Variants in SEZ6L2 observed in about 807,000 individuals in gnomAD.
The protein encoded by SEZ6L2 is seizure 6-like protein 2.
In SEZ6L2, 44 loss-of-function variants were observed where a neutral mutation model predicts 97.0. That is an observed-to-expected ratio of 0.45 (90% CI 0.36 to 0.58). The LOEUF is 0.58. Among genes scored for constraint, SEZ6L2 ranks in the 20% least tolerant of loss-of-function variants. The pLI, the probability that SEZ6L2 is intolerant of heterozygous loss-of-function variation, is 0.00. For synonymous variants in SEZ6L2, 543 were observed against 546.1 expected, an observed-to-expected ratio of 0.99 and a Z score of 0.08; for missense variants, 1,086 against 1,233.3, an observed-to-expected ratio of 0.88 and a Z score of 1.79.
intron 1 of SEZ6L2, 130 bp from the exon 2 acceptor site, chr16:29,898,114 G>C (rs1047192099): frequency 3.0e-6 from 4 of 1,342,462 alleles, no homozygotes; most frequent in Non-Finnish European, 4.1e-6. Context: ...TCCCAGGCTC[G>C]ACTGAGGGCC....
At chr16:29,878,225 A>T (rs1397116784) in intron 10 of SEZ6L2, 62 bp downstream of exon 10, 1 of 1,493,360 alleles carries the variant, frequency 6.7e-7, no homozygotes, top group African/African-American at 1.4e-5. Flanking sequence ...AGGCTACTGC[A>T]TTGGCATACC....
rs751307574 is a variant in SEZ6L2 at position 29,896,944 on chromosome 16, G to T, written c.389C>A (p.Thr130Lys). 1 of 1,606,664 alleles carries T rather than the reference G, an allele frequency of 6.2e-7. No individual in the cohort carries two copies. The highest frequency in any genetic ancestry group is 8.5e-7 in the Non-Finnish European group (1 of 1,177,448). Residue 130 changes from threonine (T) to lysine (K), a missense_variant, in exon 3 of 18, where the codon ACA becomes AAA. Thr to Lys is a moderately conservative substitution (Grantham distance 78, BLOSUM62 -1). Around this residue, in one of 2 missense-constraint regions of SEZ6L2, gnomAD observed 776 missense variants for 794.7 expected, o/e 0.98. Coordinates refer to ENST00000617533, the MANE Select transcript of SEZ6L2 (RefSeq NM_001243332.2). ...GGCAGGGCTGGGTGGGGGTGGGGCT[G>T]TGGTTCCTGGGGGCGGGGTCAGCAG... Reference protein sequence around the residue: ...PELLTPPPGTTAPPPPSPASP... With the variant: ...PELLTPPPGTKAPPPPSPASP...
chr16:29,891,301 T>C (rs1216496635), intron 5 of SEZ6L2, among the ~76,000 whole-genome samples: 1 of 150,428 alleles, frequency 6.6e-6, no homozygotes, highest in Non-Finnish European at 1.5e-5. Context: ...TGACCTCAGG[T>C]GATCCACCTA....
chr16:29,873,177 C>G lies in SEZ6L2; in HGVS notation c.2488+63G>C, dbSNP rs1432578260. 6.3e-7 allele frequency: 1 copy of G among 1,577,180 alleles called. No individual in the cohort carries two copies. The highest frequency in any genetic ancestry group is 8.6e-7 in the Non-Finnish European group (1 of 1,157,342). ...CATTGGTCTCAAATGTGCTACCTGA[C>G]TCTCCCAGCCCTGTCACTTCCCGGA... On this transcript the variant is annotated intron_variant, in intron 14 of 17. Coordinates refer to ENST00000617533, the MANE Select transcript of SEZ6L2 (RefSeq NM_001243332.2). The surrounding 1 kb of genome is among the most constrained non-coding windows in gnomAD (Gnocchi z 4.3).
chr16:29,874,498 C>T (rs533083243), intron 12 of SEZ6L2, among the ~76,000 whole-genome samples: 146 of 145,686 alleles, frequency 1.0e-3, no homozygotes, highest in Non-Finnish European at 1.8e-3. Context: ...GCCTGAGCTA[C>T]GTACCCTGCT....
At chr16:29,885,376 A>G (rs538136936) in intron 8 of SEZ6L2, among the ~76,000 whole-genome samples, 1 of 152,142 alleles carries the variant, frequency 6.6e-6, no homozygotes, top group Non-Finnish European at 1.5e-5. Flanking sequence ...CCAGACATTC[A>G]TGAAGCTTAA....
At chr16:29,891,295 C>G (rs2068266965) in intron 5 of SEZ6L2, among the ~76,000 whole-genome samples, 1 of 151,648 alleles carries the variant, frequency 6.6e-6, no homozygotes, top group Non-Finnish European at 1.5e-5. Context: ...AACTCCTGAC[C>G]TCAGGTGATC....
intron 5 of SEZ6L2, among the ~76,000 whole-genome samples, chr16:29,891,448 T>A (rs1210662352): frequency 2.6e-5 from 4 of 151,968 alleles, no homozygotes; most frequent in Non-Finnish European, 5.9e-5. Context: ...CAGACCAGCC[T>A]GGCCAATATG....
chr16:29,878,524 C>G (rs532507348), intron 9 of SEZ6L2, 99 bp from the exon 10 acceptor site: 1 of 921,810 alleles, frequency 1.1e-6, no homozygotes, highest in East Asian at 3.1e-5. Flanking sequence ...CACATCACCT[C>G]GCTTGTTTCC....
intron 5 of SEZ6L2, among the ~76,000 whole-genome samples, chr16:29,891,569 G>A (rs1279135565): frequency 2.0e-5 from 3 of 152,096 alleles, no homozygotes; most frequent in African/African-American, 7.2e-5. Flanking sequence ...TGAACCAAGG[G>A]GGCGGAGGTT....
intron 12 of SEZ6L2, among the ~76,000 whole-genome samples, chr16:29,874,929 C>A (rs1037313654): frequency 2.6e-5 from 4 of 151,980 alleles, no homozygotes; most frequent in African/African-American, 9.7e-5. Context: ...AGCTGGAATG[C>A]AGTGGTGAGA....
At position 29,879,919 on chromosome 16, in the gene SEZ6L2, G is replaced by A. The variant is rs566419631; in HGVS notation, c.1518C>T (p.Ile506=). 15 of 1,613,872 alleles carry A rather than the reference G, an allele frequency of 9.3e-6. No homozygotes were observed. The highest frequency in any genetic ancestry group is 5.3e-5 in the African/African-American group (4 of 75,038). Residue 506 remains isoleucine (I), a synonymous_variant, in exon 9 of 18, where the codon ATC becomes ATT. Coordinates refer to ENST00000617533, the MANE Select transcript of SEZ6L2 (RefSeq NM_001243332.2). The stretch of plus-strand genomic sequence containing the variant: ...GGGGTTCTGTGGGATCCACACATTC[G>A]ATGGCATTGGGGGGCCCAGGGGGCT... ...ALEPPGPPNA[I]ECVDPTEPHW...
rs376824230 is a variant in SEZ6L2 at position 29,873,622 on chromosome 16, T to A, written c.2212A>T (p.Ser738Cys). Reference sequence around the variant, plus strand: ...GTGAGCATGGCTGCCCCCTCGAGGCTGTACCCTGGCAGGCAGCGGTACTGG... The same window carrying A: ...GTGAGCATGGCTGCCCCCTCGAGGCAGTACCCTGGCAGGCAGCGGTACTGG... Reference protein sequence around the residue: ...HVQYRCLPGYSLEGAAMLTCY... With the variant: ...HVQYRCLPGYCLEGAAMLTCY... Residue 738 changes from serine (S) to cysteine (C), a missense_variant, in exon 13 of 18, where the codon AGC (serine) becomes TGC (cysteine). Ser to Cys is a moderately radical substitution (Grantham distance 112). This residue lies in a region of SEZ6L2 where 310 missense variants were observed against 438.6 expected (regional missense o/e 0.71). Coordinates refer to ENST00000617533, the MANE Select transcript of SEZ6L2 (RefSeq NM_001243332.2). The surrounding 1 kb of genome is among the most constrained non-coding windows in gnomAD (Gnocchi z 4.3). 1 of 1,613,944 alleles carries A rather than the reference T, an allele frequency of 6.2e-7. No homozygotes were observed. Among genetic ancestry groups the A allele is most frequent in the Non-Finnish European group, 8.5e-7 (1 of 1,180,006 alleles).
chr16:29,897,162 A>G (rs1219085045), intron 2 of SEZ6L2, 41 bp from the exon 3 acceptor site: 7 of 1,462,062 alleles, frequency 4.8e-6, no homozygotes, highest in African/African-American at 2.8e-5. Context: ...GGAGGAGCAC[A>G]TGGAGGACCT....
intron 8 of SEZ6L2, 141 bp from the exon 9 acceptor site, chr16:29,880,205 C>T (rs2068001956): frequency 1.3e-6 from 1 of 749,976 alleles, no homozygotes; most frequent in Non-Finnish European, 2.1e-6. Context: ...TGCTGTCGCC[C>T]AGGCTGGAGT....
At position 29,887,668 on chromosome 16, in the gene SEZ6L2, G is replaced by A. The variant is rs1567421070; in HGVS notation, c.1189C>T (p.Leu397=). 6.3e-7 allele frequency: 1 copy of A among 1,592,192 alleles called. No homozygotes were observed. Among genetic ancestry groups the A allele is most frequent in the Non-Finnish European group, 8.6e-7 (1 of 1,167,484 alleles). The change falls in exon 7 of 18, where the codon CTG becomes TTG. Residue 397 remains leucine (L), a synonymous_variant. Coordinates refer to ENST00000617533, the MANE Select transcript of SEZ6L2 (RefSeq NM_001243332.2). The part of the protein sequence containing the change: ...RLHLHFERVS[L]DEDNDRLMVR... ...CCTTACCGGTCATTGTCCTCATCCA[G>A]CGAGACCCTTTCAAAGTGCAGGTGC... is the stretch of plus-strand genomic sequence containing the variant.
At chr16:29,880,192 T>C in intron 8 of SEZ6L2, 128 bp from the exon 9 acceptor site, 1 of 833,730 alleles carries the variant, frequency 1.2e-6, no homozygotes, top group Non-Finnish European at 1.8e-6. Context: ...TTAAACAGTC[T>C]TGTGCTGTCG....
intron 4 of SEZ6L2, 54 bp from the exon 5 acceptor site, chr16:29,895,514 C>T: frequency 6.3e-7 from 1 of 1,580,878 alleles, no homozygotes; most frequent in Non-Finnish European, 8.7e-7. Context: ...TGTTTGACTT[C>T]CAAAGCCCCT....
At position 29,871,559 on chromosome 16, in the gene SEZ6L2, AG is replaced by A; in HGVS notation, c.*139del. The A allele has an allele frequency of 1.2e-6, 1 of 837,284 alleles. No homozygotes were observed. The highest frequency in any genetic ancestry group is 1.5e-5 in the South Asian group (1 of 68,832). 51.9% of individuals were successfully genotyped at this position (837,284 alleles called of 1,614,324 possible). On this transcript the variant is annotated 3_prime_UTR_variant, in exon 18 of 18. Coordinates refer to ENST00000617533, the MANE Select transcript of SEZ6L2 (RefSeq NM_001243332.2). ...ACTGTAGGATCTCCAGGGCCATCAAAGCCCCCTCGTGGGATAGGGAGACTAT... is the reference window on the plus strand; with the variant it reads ...ACTGTAGGATCTCCAGGGCCATCAAACCCCCTCGTGGGATAGGGAGACTAT...
Sources: allele counts gnomAD v4.1 joint callset (sites outside exome capture counted in the v4.1 genomes callset), GRCh38; gene constraint gnomAD v4.1.1; regional missense constraint gnomAD v4.1.1; non-coding constraint Gnocchi (gnomAD v3.1); transcripts MANE v1.5; gene names NCBI Gene and HGNC (gene_info 2026-07-23, HGNC 2026-07-21).